Variants in AGO3 observed in about 807,000 individuals in gnomAD.
AGO3 encodes argonaute RISC catalytic component 3, also known as protein argonaute-3.
AGO3 carries 16 observed loss-of-function variants against 105.5 expected under a neutral mutation model. That is an observed-to-expected ratio of 0.15 (90% confidence interval 0.10 to 0.23). AGO3 has a LOEUF of 0.23. Ranked by LOEUF, AGO3 falls within the 10% of genes least tolerant of loss-of-function variation. The probability of loss-of-function intolerance (pLI) is 1.00; values close to 1 mark genes in which losing one functional copy is unlikely to be tolerated. For synonymous variants in AGO3, 340 were observed against 367.3 expected, an observed-to-expected ratio of 0.93 and a Z score of 0.85; for missense variants, 534 against 1,088.0, an observed-to-expected ratio of 0.49 and a Z score of 7.16.
intron 9 of AGO3, 35 bp downstream of exon 9, chr1:36,009,629 C>T: frequency 6.3e-7 from 1 of 1,589,938 alleles, no homozygotes; most frequent in Non-Finnish European, 8.6e-7. Context: ...GAATTTAAAA[C>T]ATATTAGGGT....
intron 16 of AGO3, among the ~76,000 whole-genome samples, chr1:36,042,273 C>T (rs1642280709): frequency 6.6e-6 from 1 of 151,982 alleles, no homozygotes; most frequent in African/African-American, 2.4e-5. Flanking sequence ...TTATTAGAGG[C>T]AGGATTTCAC....
In AGO3 at chr1:36,055,678, A is replaced by G; in HGVS notation, c.2516A>G (p.Asp839Gly). The change falls in exon 19 of 19, where the codon GAT (aspartate) becomes GGT (glycine). Residue 839 changes from aspartate to glycine, a missense_variant. Transcript: ENST00000373191. This position sits in a 1 kb window ranked among gnomAD's most constrained non-coding sequence, Gnocchi z 4.4. Reference sequence around the variant, plus strand: ...GTTTCAGGACAAAGCAATGGGCGAGATCCACAAGCTCTTGCCAAGGCTGTA... The same window carrying G: ...GTTTCAGGACAAAGCAATGGGCGAGGTCCACAAGCTCTTGCCAAGGCTGTA... ...SHVSGQSNGR[D>G]PQALAKAVQI... The G allele has an allele frequency of 6.2e-7, 1 of 1,614,206 alleles. No homozygotes were observed. Among genetic ancestry groups the G allele is most frequent in the Non-Finnish European group, 8.5e-7 (1 of 1,180,042 alleles).
chr1:35,942,517 C>G (rs1465045824), intron 1 of AGO3, among the ~76,000 whole-genome samples: 4 of 151,998 alleles, frequency 2.6e-5, no homozygotes, highest in Admixed American at 2.6e-4. Flanking sequence ...CCATCTGGAT[C>G]TGGAATCTTT....
intron 16 of AGO3, among the ~76,000 whole-genome samples, chr1:36,042,017 T>C (rs1642271197): frequency 6.6e-6 from 1 of 152,200 alleles, no homozygotes; most frequent in African/African-American, 2.4e-5. Flanking sequence ...ATAATAGATA[T>C]TGTTCTAAGT....
In AGO3 at chr1:36,072,093, A is replaced by G. The variant is rs917565311; in HGVS notation, c.*16348A>G. 2.6e-5 allele frequency: 4 copies of G among 152,224 alleles called. No individual in the cohort carries two copies. The East Asian group carries it at 7.7e-4, about 29-fold the overall frequency. 9.4% of individuals were successfully genotyped at this position (152,224 alleles called of 1,614,324 possible). The stretch of plus-strand genomic sequence containing the variant: ...ATATATTTTCTTTTTCAGTTAAACT[A>G]TCTTCCCCACAAAAAATATTATACT... On this transcript the variant is annotated 3_prime_UTR_variant, in exon 19 of 19. Transcript: ENST00000373191.
Position 36,029,495 on chromosome 1 carries a change from C to T in AGO3, c.1591+2197C>T, listed in dbSNP as rs374424573. Among the ~76,000 whole-genome samples the T allele has an allele frequency of 1.6e-4, 24 of 148,808 alleles. No homozygotes were observed. In the Middle Eastern group the frequency reaches 0.011, roughly 66 times the overall value. On this transcript the variant is annotated intron_variant, in intron 12 of 18. Coordinates refer to ENST00000373191, the MANE Select transcript of AGO3 (RefSeq NM_024852.4). ...CTGCAAGCTCTGCCTCCTGGGTTCA[C>T]GCCATTCTCCTGCCTCAGCCTCCTG...
In AGO3 at chr1:36,040,298, A is replaced by G; in HGVS notation, c.2038-9A>G. On this transcript the variant is annotated splice_polypyrimidine_tract_variant and intron_variant, in intron 15 of 18. Transcript: ENST00000373191. ...ACTATATTGAATCTTTCCATTTCAT[A>G]TTCTCTAGGTATTATATTATGAACT... The G allele has an allele frequency of 1.2e-6, 2 of 1,610,206 alleles. No individual in the cohort carries two copies. Among genetic ancestry groups the G allele is most frequent in the Non-Finnish European group, 1.7e-6 (2 of 1,177,782 alleles).
upstream of AGO3, chr1:35,931,014 G>C (rs1646031721): frequency 5.5e-6 from 2 of 362,252 alleles, no homozygotes; most frequent in Non-Finnish European, 9.9e-6. Flanking sequence ...ACGTCGCTCC[G>C]GCACGGCTCG....
At chr1:35,951,478 GC>G (rs1208149857) in intron 2 of AGO3, among the ~76,000 whole-genome samples, 1 of 152,010 alleles carries the variant, frequency 6.6e-6, no homozygotes, top group African/African-American at 2.4e-5. Context: ...GTTCACTGCA[GC>G]CTTGACCTCC....
At chr1:36,033,642 C>CAAAAA in intron 12 of AGO3, among the ~76,000 whole-genome samples, 1 of 131,594 alleles carries the variant, frequency 7.6e-6, no homozygotes, top group Non-Finnish European at 1.6e-5. Flanking sequence ...GAGATCCTCT[C>CAAAAA]AAAAAAAAAA....
intron 11 of AGO3, among the ~76,000 whole-genome samples, chr1:36,019,760 GTGTTTGTT>G (rs375343888): frequency 2.0e-5 from 3 of 151,974 alleles, no homozygotes; most frequent in African/African-American, 4.8e-5. Flanking sequence ...TATATGTAAG[GTGTTTGTT>G]TGTTTGTTTG....
chr1:36,011,025 G>A (rs1266840890), intron 9 of AGO3, among the ~76,000 whole-genome samples: 1 of 152,156 alleles, frequency 6.6e-6, no homozygotes, highest in East Asian at 1.9e-4. Context: ...TCTCTGTGCT[G>A]TCTCATTGTT....
chr1:35,959,333 A>G (rs1176929136), intron 2 of AGO3, among the ~76,000 whole-genome samples: 2 of 152,138 alleles, frequency 1.3e-5, no homozygotes, highest in South Asian at 2.1e-4. Context: ...ATTCAGGTAG[A>G]TTTCATTTTT....
At chr1:36,020,679 T>C (rs1290037894) in intron 11 of AGO3, among the ~76,000 whole-genome samples, 1 of 152,048 alleles carries the variant, frequency 6.6e-6, no homozygotes, top group African/African-American at 2.4e-5. Flanking sequence ...GCAGTGGTGC[T>C]ATCTCGGCTC....
At chr1:35,989,235 G>A (rs1647387505) in intron 5 of AGO3, among the ~76,000 whole-genome samples, 1 of 152,160 alleles carries the variant, frequency 6.6e-6, no homozygotes. Flanking sequence ...TCTAAGAAAG[G>A]GAGCAATTCT....
chr1:36,028,988 G>A (rs1190347730), intron 12 of AGO3, among the ~76,000 whole-genome samples: 1 of 151,902 alleles, frequency 6.6e-6, no homozygotes, highest in Non-Finnish European at 1.5e-5. Flanking sequence ...GCCTCTTTCT[G>A]GTTTTAATTG....
In AGO3 at chr1:36,059,036, A is replaced by G. The variant is rs1642992228; in HGVS notation, c.*3291A>G. On this transcript the variant is annotated 3_prime_UTR_variant, in exon 19 of 19. Coordinates refer to ENST00000373191, the MANE Select transcript of AGO3 (RefSeq NM_024852.4). ...ATACCCTTTCTCTATGTACTCTCTCACCTAATTTTCAGTCACTCATATATG... is the reference window on the plus strand; with the variant it reads ...ATACCCTTTCTCTATGTACTCTCTCGCCTAATTTTCAGTCACTCATATATG... 1 of 152,112 alleles carries G rather than the reference A, an allele frequency of 6.6e-6. No individual in the cohort carries two copies. Among genetic ancestry groups the G allele is most frequent in the Middle Eastern group, 3.2e-3 (1 of 316 alleles). 9.4% of individuals were successfully genotyped at this position (152,112 alleles called of 1,614,324 possible).
chr1:35,943,167 G>T (rs1046197384), intron 1 of AGO3, among the ~76,000 whole-genome samples: 2 of 151,758 alleles, frequency 1.3e-5, no homozygotes, highest in Admixed American at 1.3e-4. Context: ...CCACACCCAG[G>T]TAATTTTTTT....
At chr1:36,021,069 A>G (rs1641194431) in intron 11 of AGO3, among the ~76,000 whole-genome samples, 1 of 151,930 alleles carries the variant, frequency 6.6e-6, no homozygotes, top group Non-Finnish European at 1.5e-5. Context: ...AGTAGCTGGT[A>G]TTACAGGTGT....
Sources: allele counts gnomAD v4.1 joint callset (sites outside exome capture counted in the v4.1 genomes callset), GRCh38; gene constraint gnomAD v4.1.1; non-coding constraint Gnocchi (gnomAD v3.1); transcripts MANE v1.5; gene names NCBI Gene and HGNC (gene_info 2026-07-23, HGNC 2026-07-21).